DENND2B: variants seen among roughly 807,000 people sequenced by gnomAD.
DENND2B encodes the protein DENN domain containing 2B, also known as DENN domain-containing protein 2B.
In DENND2B, 32 loss-of-function variants were observed where a neutral mutation model predicts 116.0. The observed-to-expected ratio is 0.28, with a 90% CI of 0.21 to 0.37. DENND2B has a LOEUF of 0.37. DENND2B is among the 10% of genes least tolerant of loss of function. DENND2B has a pLI of 1.00. For missense variants in DENND2B, 1,276 were observed against 1,477.7 expected (o/e 0.86, Z 2.24); for synonymous variants, 588 against 583.9 (o/e 1.01, Z -0.10).
chr11:8,816,708 A>G (rs535216142), intron 4 of DENND2B, among the ~76,000 whole-genome samples: 10 of 152,340 alleles, frequency 6.6e-5, no homozygotes, highest in African/African-American at 1.9e-4. Context: ...GAAGCTTTTA[A>G]AATTCAAGAG....
chr11:8,734,049 A>C (rs2048550979), intron 2 of DENND2B, among the ~76,000 whole-genome samples: 1 of 152,182 alleles, frequency 6.6e-6, no homozygotes, highest in Non-Finnish European at 1.5e-5. Flanking sequence ...GCTGACCTGA[A>C]GCCCCATATC....
chr11:8,786,897 ATTTCTG>A (rs1236690917), intron 1 of DENND2B, among the ~76,000 whole-genome samples: 2 of 152,202 alleles, frequency 1.3e-5, no homozygotes, highest in East Asian at 1.9e-4. Flanking sequence ...TGCTGATGTT[ATTTCTG>A]TTTCTATGTT....
At chr11:8,708,678 G>GC (rs1169240183) in intron 11 of DENND2B, among the ~76,000 whole-genome samples, 1 of 152,194 alleles carries the variant, frequency 6.6e-6, no homozygotes, top group Non-Finnish European at 1.5e-5. Context: ...ATGGCCAGGC[G>GC]CGGTGGCTCA....
Position 8,715,714 on chromosome 11 carries a change from C to A in DENND2B, c.1734G>T (p.Met578Ile). ...RLPKRHSHDD[M>I]LLLAQLSLPS... is the part of the protein sequence containing the mutation. ...GCAGACTCAGCTGAGCCAGCAGCAG[C>A]ATGTCGTCATGGCTGTGCCTCTTGG... The change falls in exon 6 of 20, where the codon ATG becomes ATT. Residue 578 changes from methionine to isoleucine, a missense_variant. Around this residue, in one of 2 missense-constraint regions of DENND2B, gnomAD observed 856 missense variants for 846.6 expected, o/e 1.01. Transcript: ENST00000313726. 6.2e-7 allele frequency: 1 copy of A among 1,614,216 alleles called. No homozygotes were observed. Among genetic ancestry groups the A allele is most frequent in the Non-Finnish European group, 8.5e-7 (1 of 1,180,038 alleles).
In DENND2B at chr11:8,837,045, C is replaced by T. The variant is rs189622705; in HGVS notation, c.-115+2265G>A. Among the ~76,000 whole-genome samples the T allele has an allele frequency of 6.6e-5, 10 of 151,714 alleles. No homozygotes were observed. In the East Asian group the frequency reaches 1.2e-3, roughly 18 times the overall value. On this transcript the variant is annotated intron_variant, in intron 4 of 6. Coordinates refer to the DENND2B transcript ENST00000524757. ...GTACTTCTTTAGGAGAATTTCTGCC[C>T]GACAAAGGACCACAGAACAGCAAAA...
chr11:8,791,320 C>G (rs1292644134), intron 1 of DENND2B, among the ~76,000 whole-genome samples: 2 of 152,168 alleles, frequency 1.3e-5, no homozygotes, highest in Non-Finnish European at 2.9e-5. Flanking sequence ...ATTCATGCAA[C>G]TATCCCCAAA....
chr11:8,796,002 G>A (rs2059780556), intron 1 of DENND2B, among the ~76,000 whole-genome samples: 1 of 152,200 alleles, frequency 6.6e-6, no homozygotes, highest in Non-Finnish European at 1.5e-5. Context: ...GGGGAGACAG[G>A]AAAGCAAAAT....
At chr11:8,879,487 G>A (rs1013292726) in intron 2 of DENND2B, among the ~76,000 whole-genome samples, 1 of 152,204 alleles carries the variant, frequency 6.6e-6, no homozygotes, top group African/African-American at 2.4e-5. Context: ...ATTTGAATTT[G>A]ATTCTGAAGG....
At chr11:8,852,635 T>G (rs1416459459) in intron 3 of DENND2B, among the ~76,000 whole-genome samples, 1 of 152,218 alleles carries the variant, frequency 6.6e-6, no homozygotes, top group African/African-American at 2.4e-5. Flanking sequence ...TAACAATGTA[T>G]GCAAACGTTG....
rs1297734391 is a variant in DENND2B at position 8,715,423 on chromosome 11, A to G, written c.1845+180T>C. The G allele has an allele frequency of 3.5e-5, 22 of 629,336 alleles. No homozygotes were observed. The East Asian group carries it at 5.6e-4, about 16-fold the overall frequency. 39.0% of individuals were successfully genotyped at this position (629,336 alleles called of 1,614,324 possible). ...AAGGTCAGTTAATGCATCTTTATTG[A>G]TAAGAAAGGGGAATTAATCAGATGA... On this transcript the variant is annotated intron_variant, in intron 6 of 19. Transcript: ENST00000313726.
At chr11:8,754,087 A>G (rs917971766) in intron 1 of DENND2B, among the ~76,000 whole-genome samples, 4 of 150,828 alleles carry the variant, frequency 2.7e-5, no homozygotes, top group African/African-American at 9.8e-5. Flanking sequence ...GTACTATGTC[A>G]AAGAAAAGAA....
At chr11:8,906,876 C>T (rs1461525797) in intron 1 of DENND2B, among the ~76,000 whole-genome samples, 2 of 152,180 alleles carry the variant, frequency 1.3e-5, no homozygotes, top group Non-Finnish European at 2.9e-5. Context: ...GGAGAAATAA[C>T]AATACCATTT....
chr11:8,858,555 G>A (rs146270284), intron 2 of DENND2B, among the ~76,000 whole-genome samples: 1 of 152,132 alleles, frequency 6.6e-6, no homozygotes, highest in Non-Finnish European at 1.5e-5. Context: ...TGGGAGGAAG[G>A]CAGGAGCAGA....
At chr11:8,882,870 C>T (rs559858004) in intron 1 of DENND2B, among the ~76,000 whole-genome samples, 1 of 152,092 alleles carries the variant, frequency 6.6e-6, no homozygotes, top group Admixed American at 6.5e-5. Context: ...TGCCTGTGAT[C>T]CCAGCTACTT....
At chr11:8,732,664 T>G (rs932989296) in intron 2 of DENND2B, among the ~76,000 whole-genome samples, 4 of 152,252 alleles carry the variant, frequency 2.6e-5, no homozygotes, top group African/African-American at 9.6e-5. Context: ...GTGAGCTTAT[T>G]GAAGAGCACC....
chr11:8,702,746 GC>G lies in DENND2B; in HGVS notation c.2572-27del. 1 of 1,606,040 alleles carries G rather than the reference GC, an allele frequency of 6.2e-7. No individual in the cohort carries two copies. The highest frequency in any genetic ancestry group is 8.5e-7 in the Non-Finnish European group (1 of 1,176,292). ...CTGCAGGAGAGCGATGGGAAAGTGG[GC>G]CGGGGCCAGCCAAGTGGGTGCTGCC... On this transcript the variant is annotated intron_variant, in intron 13 of 19. Transcript: ENST00000313726. The surrounding 1 kb of genome is among the most constrained non-coding windows in gnomAD (Gnocchi z 4.6).
At chr11:8,895,897 T>A (rs1422648116) in intron 1 of DENND2B, among the ~76,000 whole-genome samples, 2 of 152,116 alleles carry the variant, frequency 1.3e-5, no homozygotes, top group Non-Finnish European at 2.9e-5. Flanking sequence ...GTGCTCGAAT[T>A]ACAGGTATGA....
At chr11:8,905,078 T>C (rs1248677194) in intron 1 of DENND2B, among the ~76,000 whole-genome samples, 2 of 152,062 alleles carry the variant, frequency 1.3e-5, no homozygotes, top group Non-Finnish European at 2.9e-5. Context: ...ATAATGACTG[T>C]ACTAGAATAT....
At chr11:8,737,665 T>C (rs2049311064) in intron 2 of DENND2B, among the ~76,000 whole-genome samples, 1 of 125,660 alleles carries the variant, frequency 8.0e-6, no homozygotes, top group African/African-American at 2.6e-5. Flanking sequence ...CTCTCTCTTT[T>C]TCTTTCTTTC....
Sources: allele counts gnomAD v4.1 joint callset (sites outside exome capture counted in the v4.1 genomes callset), GRCh38; gene constraint gnomAD v4.1.1; regional missense constraint gnomAD v4.1.1; non-coding constraint Gnocchi (gnomAD v3.1); transcripts MANE v1.5; gene names NCBI Gene and HGNC (gene_info 2026-07-23, HGNC 2026-07-21).